Variants in DGKE observed in about 807,000 individuals in gnomAD.
DGKE encodes DAG kinase epsilon.
Under a neutral mutation model 70.0 loss-of-function variants are expected in DGKE, and 53 were observed. The observed-to-expected ratio is 0.76, with a 90% CI of 0.61 to 0.95. The LOEUF (loss-of-function observed/expected upper bound fraction) is 0.95. Among genes scored for constraint, DGKE ranks in the 40% least tolerant of loss-of-function variants. The probability of loss-of-function intolerance (pLI) is 0.00; values close to 1 mark genes in which losing one functional copy is unlikely to be tolerated. For synonymous variants in DGKE, 291 were observed against 257.0 expected (o/e 1.13, Z -1.27); for missense variants, 655 against 706.9 (o/e 0.93, Z 0.83).
In DGKE at chr17:56,868,034, A is replaced by C. The variant is rs1908605292; in HGVS notation, c.*5243A>C. On this transcript the variant is annotated 3_prime_UTR_variant, in exon 12 of 12. Coordinates refer to ENST00000284061, the MANE Select transcript of DGKE (RefSeq NM_003647.3). The stretch of plus-strand genomic sequence containing the variant: ...AAAGGACGACATCAACACAGAATGC[A>C]CTAAACAGGAAATAAGCTGTAATCT... The C allele has an allele frequency of 6.6e-6, 1 of 152,256 alleles. No homozygotes were observed. The highest frequency in any genetic ancestry group is 1.5e-5 in the Non-Finnish European group (1 of 68,038). 9.4% of individuals were successfully genotyped at this position (152,256 alleles called of 1,614,324 possible).
intron 7 of DGKE, among the ~76,000 whole-genome samples, chr17:56,852,243 T>A (rs1405659184): frequency 6.6e-6 from 1 of 151,686 alleles, no homozygotes; most frequent in Non-Finnish European, 1.5e-5. Flanking sequence ...TGAAACCCCA[T>A]CTCTAATAAA....
At chr17:56,849,082 T>C (rs914011254) in intron 6 of DGKE, 99 bp from the exon 7 acceptor site, 6 of 1,302,136 alleles carry the variant, frequency 4.6e-6, no homozygotes, top group Non-Finnish European at 6.4e-6. Context: ...TGGTTACTTT[T>C]GTAGATGGTA....
chr17:56,837,624 C>A (rs890554378), intron 2 of DGKE, among the ~76,000 whole-genome samples: 1 of 152,188 alleles, frequency 6.6e-6, no homozygotes, highest in Non-Finnish European at 1.5e-5. Context: ...CTGTGACCTT[C>A]TGTAGGAATG....
In DGKE at chr17:56,862,771, G is replaced by T; in HGVS notation, c.1684G>T (p.Asp562Tyr). 1 of 1,581,110 alleles carries T rather than the reference G, an allele frequency of 6.3e-7. No individual in the cohort carries two copies. Among genetic ancestry groups the T allele is most frequent in the South Asian group, 1.2e-5 (1 of 84,750 alleles). The change falls in exon 12 of 12, where the codon GAT becomes TAT. Residue 562 changes from aspartate to tyrosine, a missense_variant. Transcript: ENST00000284061. ...DDISSTSDQE[D>Y]IKATE is the part of the protein sequence containing the mutation. ...CATCTCTAGTACTTCGGATCAAGAA[G>T]ATATAAAGGCGACTGAATAGATGGA...
chr17:56,851,352 A>G (rs1907638685), intron 7 of DGKE, among the ~76,000 whole-genome samples: 1 of 152,220 alleles, frequency 6.6e-6, no homozygotes. Context: ...CTAGCCAGCT[A>G]ACGCCATACT....
intron 2 of DGKE, among the ~76,000 whole-genome samples, chr17:56,840,365 TTTGTTGTTG>T (rs753507975): frequency 6.6e-6 from 1 of 151,616 alleles, no homozygotes; most frequent in Non-Finnish European, 1.5e-5. Flanking sequence ...AGTAGTTTGT[TTTGTTGTTG>T]TTGTTGTTGT....
At chr17:56,848,583 T>C in intron 5 of DGKE, 113 bp from the exon 6 acceptor site, 2 of 1,050,286 alleles carry the variant, frequency 1.9e-6, no homozygotes, top group Non-Finnish European at 2.8e-6. Flanking sequence ...CAAAACAACA[T>C]ACAGTTGTTA....
chr17:56,848,464 A>G (rs1907446240), intron 5 of DGKE, among the ~76,000 whole-genome samples: 1 of 152,114 alleles, frequency 6.6e-6, no homozygotes, highest in Non-Finnish European at 1.5e-5. Flanking sequence ...AACCTAATAT[A>G]GAATATTTTT....
In DGKE at chr17:56,845,821, A is replaced by T; in HGVS notation, c.744+12A>T. ...TGAATCCAGTCCAGGTAACTAAAGA[A>T]AAAAACTTTTTATATTAATGTTTTC... On this transcript the variant is annotated intron_variant, in intron 4 of 11. Coordinates refer to ENST00000284061, the MANE Select transcript of DGKE (RefSeq NM_003647.3). The T allele has an allele frequency of 8.3e-6, 13 of 1,567,296 alleles. No homozygotes were observed. Among genetic ancestry groups the T allele is most frequent in the Non-Finnish European group, 1.0e-5 (12 of 1,163,304 alleles).
intron 4 of DGKE, 114 bp downstream of exon 4, chr17:56,845,923 A>G (rs1907258488): frequency 3.5e-6 from 4 of 1,139,228 alleles, no homozygotes; most frequent in East Asian, 2.9e-5. Context: ...AATAATTACA[A>G]AAAGATCAGC....
Position 56,862,511 on chromosome 17 carries a change from A to T in DGKE, c.1525-101A>T, listed in dbSNP as rs189599353. Reference sequence around the variant, plus strand: ...TTCAGATTAATATTTTCTAAAAATGAAATGCATAAGGGTTAAGGGATTGTG... The same window carrying T: ...TTCAGATTAATATTTTCTAAAAATGTAATGCATAAGGGTTAAGGGATTGTG... On this transcript the variant is annotated intron_variant, in intron 11 of 11. Coordinates refer to ENST00000284061, the MANE Select transcript of DGKE (RefSeq NM_003647.3). 3.0e-5 allele frequency: 33 copies of T among 1,112,886 alleles called. No individual in the cohort carries two copies. The East Asian group carries it at 7.9e-4, about 27-fold the overall frequency. The allele number at this position is 1,112,886 out of a possible 1,614,324, so 68.9% of individuals were successfully genotyped here.
chr17:56,847,983 A>G lies in DGKE; in HGVS notation c.806A>G (p.Tyr269Cys), dbSNP rs1907403336. The G allele has an allele frequency of 6.2e-7, 1 of 1,610,030 alleles. No homozygotes were observed. Among genetic ancestry groups the G allele is most frequent in the Non-Finnish European group, 8.5e-7 (1 of 1,177,744 alleles). The change falls in exon 5 of 12, where the codon TAT becomes TGT. Residue 269 changes from tyrosine to cysteine, a missense_variant. Coordinates refer to ENST00000284061, the MANE Select transcript of DGKE (RefSeq NM_003647.3). ...KALQLCTLLP[Y>C]YSARVLVCGG... ...CTACAACTCTGTACTCTTCTCCCAT[A>G]TTATTCAGCTCGAGTACTTGTTTGT...
intron 8 of DGKE, 138 bp from the exon 9 acceptor site, chr17:56,858,456 T>C (rs1908083869): frequency 3.2e-6 from 2 of 628,618 alleles, no homozygotes; most frequent in Non-Finnish European, 5.0e-6. Context: ...TTGCCCTTCT[T>C]TTCATCAGCA....
chr17:56,866,638 G>A lies in DGKE; in HGVS notation c.*3847G>A, dbSNP rs1484456418. On this transcript the variant is annotated 3_prime_UTR_variant, in exon 12 of 12. Transcript: ENST00000284061. Reference sequence around the variant, plus strand: ...GATTCATATGTGGAATCAGTTTTTGGACTGTGACCCATGCAGTGTTGGGGG... The same window carrying A: ...GATTCATATGTGGAATCAGTTTTTGAACTGTGACCCATGCAGTGTTGGGGG... The A allele has an allele frequency of 6.6e-6, 1 of 152,126 alleles. No individual in the cohort carries two copies. The highest frequency in any genetic ancestry group is 1.5e-5 in the Non-Finnish European group (1 of 68,032). The allele number at this position is 152,126 out of a possible 1,614,324, so 9.4% of individuals were successfully genotyped here. A position where few individuals can be genotyped will look rare whatever the true frequency, so the allele number is the denominator to read the frequency against.
chr17:56,861,230 A>T lies in DGKE; in HGVS notation c.1285-561A>T, dbSNP rs182506554. 2.0e-5 allele frequency among the ~76,000 whole-genome samples: 3 copies of T among 151,702 alleles called. 1 individual carries two copies. Among genetic ancestry groups the T allele is most frequent in the Admixed American group, 2.0e-4 (3 of 15,250 alleles). On this transcript the variant is annotated intron_variant, in intron 9 of 11. Coordinates refer to ENST00000284061, the MANE Select transcript of DGKE (RefSeq NM_003647.3). Reference sequence around the variant, plus strand: ...GGGTTGGGGGTGAGTTAACCTACTTAACCAGGAAAGAGTAAGTAAGAGTTA... The same window carrying T: ...GGGTTGGGGGTGAGTTAACCTACTTTACCAGGAAAGAGTAAGTAAGAGTTA...
At chr17:56,842,749 T>C (rs1907062791) in intron 2 of DGKE, among the ~76,000 whole-genome samples, 1 of 152,218 alleles carries the variant, frequency 6.6e-6, no homozygotes, top group Non-Finnish European at 1.5e-5. Flanking sequence ...TCTTTTCTTT[T>C]TTATATTCAT....
rs576354293 is a variant in DGKE at position 56,842,631 on chromosome 17, A to C, written c.465-1388A>C. Among the ~76,000 whole-genome samples, 15 of 152,312 alleles carry C rather than the reference A, an allele frequency of 9.8e-5. No homozygotes were observed. The East Asian group carries it at 2.3e-3, about 24-fold the overall frequency. ...ACTCTTGCTTTTAGCAGTAAATAGG[A>C]CTCGAGTATACAGCACTAAGTACTT... On this transcript the variant is annotated intron_variant, in intron 2 of 11. Coordinates refer to ENST00000284061, the MANE Select transcript of DGKE (RefSeq NM_003647.3).
At chr17:56,853,243 G>T (rs1240842475) in intron 7 of DGKE, among the ~76,000 whole-genome samples, 8 of 152,162 alleles carry the variant, frequency 5.3e-5, no homozygotes, top group African/African-American at 1.9e-4. Context: ...GCTGTGGGTT[G>T]CCTCTTCACT....
In DGKE at chr17:56,867,727, C is replaced by G. The variant is rs1472361800; in HGVS notation, c.*4936C>G. On this transcript the variant is annotated 3_prime_UTR_variant, in exon 12 of 12. Transcript: ENST00000284061. The stretch of plus-strand genomic sequence containing the variant: ...TGGCTAACACGGTGACACCCCGCCT[C>G]TACTAAAAATCCAAAAATTTAGCCG... 1 of 152,132 alleles carries G rather than the reference C, an allele frequency of 6.6e-6. No homozygotes were observed. The highest frequency in any genetic ancestry group is 1.5e-5 in the Non-Finnish European group (1 of 68,172). 9.4% of individuals were successfully genotyped at this position (152,132 alleles called of 1,614,324 possible).
Sources: gnomAD v4.1 joint callset for allele counts (sites outside exome capture counted in the v4.1 genomes callset) on GRCh38, gnomAD v4.1.1 for gene constraint, MANE v1.5 for transcripts, NCBI Gene and HGNC (gene_info 2026-07-23, HGNC 2026-07-21) for gene names.